GRIA3: variants seen among roughly 807,000 people sequenced by gnomAD.
GRIA3 encodes glutamate ionotropic receptor AMPA type subunit 3, also known as glutamate receptor 3.
GRIA3 carries 3 observed loss-of-function variants against 63.0 expected under a neutral mutation model. The ratio of observed to expected loss-of-function variants is 0.05; its 90% CI spans 0.02 to 0.12. The LOEUF (loss-of-function observed/expected upper bound fraction) is 0.12. Among genes scored for constraint, GRIA3 ranks in the 10% least tolerant of loss-of-function variants. The pLI, the probability that GRIA3 is intolerant of heterozygous loss-of-function variation, is 1.00. For synonymous variants in GRIA3, 274 were observed against 257.9 expected (o/e 1.06, Z -0.60); for missense variants, 347 against 700.9 (o/e 0.50, Z 5.70).
chrX:123,347,623 C>T (rs1261826241), intron 4 of GRIA3, among the ~76,000 whole-genome samples: 1 of 111,477 alleles, frequency 9.0e-6, no homozygotes, highest in Non-Finnish European at 1.9e-5. Flanking sequence ...CCTCCCCACT[C>T]GGAGGCTCCA....
At chrX:123,262,419 G>A (rs890253007) in intron 3 of GRIA3, among the ~76,000 whole-genome samples, 3 of 111,520 alleles carry the variant, frequency 2.7e-5, no homozygotes, top group African/African-American at 9.8e-5. Flanking sequence ...CAATGCACAG[G>A]ACAGTATCCT....
chrX:123,456,772 T>A (rs2045763973), intron 12 of GRIA3, among the ~76,000 whole-genome samples: 1 of 111,667 alleles, frequency 9.0e-6, no homozygotes, highest in African/African-American at 3.3e-5. Flanking sequence ...CACCTATGCA[T>A]ATCCTAGTAT....
chrX:123,192,184 T>C (rs1031334894), intron 2 of GRIA3, among the ~76,000 whole-genome samples: 1 of 111,690 alleles, frequency 9.0e-6, no homozygotes, highest in African/African-American at 3.3e-5. Flanking sequence ...AACTTCTTCA[T>C]ATTGAATCTA....
intron 2 of GRIA3, among the ~76,000 whole-genome samples, chrX:123,251,229 G>A (rs1442343685): frequency 1.8e-5 from 2 of 111,368 alleles, no homozygotes; most frequent in African/African-American, 6.5e-5. Context: ...TGTCAATTTT[G>A]TACAGAACAT....
chrX:123,432,746 C>T (rs185749979), intron 12 of GRIA3, among the ~76,000 whole-genome samples: 12 of 112,251 alleles, frequency 1.1e-4, no homozygotes, highest in African/African-American at 3.9e-4. Context: ...TATAAGAGAA[C>T]AAAGACTTCT....
At chrX:123,436,067 T>G (rs774290632) in intron 12 of GRIA3, among the ~76,000 whole-genome samples, 40 of 111,258 alleles carry the variant, frequency 3.6e-4, no homozygotes, top group African/African-American at 1.3e-3. Flanking sequence ...GATAAATAGC[T>G]AATGTATGCA....
At chrX:123,249,488 G>T (rs1254083475) in intron 2 of GRIA3, among the ~76,000 whole-genome samples, 2 of 111,292 alleles carry the variant, frequency 1.8e-5, no homozygotes, top group Non-Finnish European at 3.8e-5. Context: ...CCATGCCCCA[G>T]CTTCTTTCAG....
At chrX:123,194,712 C>T (rs1403712538) in intron 2 of GRIA3, among the ~76,000 whole-genome samples, 3 of 111,832 alleles carry the variant, frequency 2.7e-5, no homozygotes, top group Admixed American at 9.5e-5. Context: ...GGTCTATGGG[C>T]GATACTAACG....
intron 12 of GRIA3, among the ~76,000 whole-genome samples, chrX:123,460,279 C>T (rs961287139): frequency 3.9e-4 from 44 of 111,835 alleles, no homozygotes; most frequent in Non-Finnish European, 2.8e-4. Flanking sequence ...GAAGCAATGG[C>T]CTGTTTGCAA....
At chrX:123,448,854 G>A (rs137879146) in intron 12 of GRIA3, among the ~76,000 whole-genome samples, 1 of 111,756 alleles carries the variant, frequency 8.9e-6, no homozygotes, top group Non-Finnish European at 1.9e-5. Context: ...ATACAACTAT[G>A]GAATTGGGGA....
rs1927522664 is a variant in GRIA3, at chrX:123,194,475, T to C, written c.268+8485T>C. On this transcript the variant is annotated intron_variant, in intron 2 of 15. Transcript: ENST00000620443. ...TGTGTAGGTGAACACCTTTGCACAA[T>C]TAAGATTAGTAAAGCCATTAATGTC... Among the ~76,000 whole-genome samples the C allele has an allele frequency of 2.7e-5, 3 of 111,196 alleles. No individual in the cohort carries two copies. The South Asian group carries it at 1.1e-3, about 42-fold the overall frequency.
At chrX:123,184,710 G>A (rs1927202851) in intron 1 of GRIA3, 66 bp downstream of exon 1, 1 of 794,716 alleles carries the variant, frequency 1.3e-6, no homozygotes, top group Non-Finnish European at 1.9e-6. Flanking sequence ...CCCCGGCAAG[G>A]CTTTCCCTGC....
chrX:123,486,108 G>A (rs2045940031), intron 15 of GRIA3, among the ~76,000 whole-genome samples: 1 of 101,216 alleles, frequency 9.9e-6, no homozygotes, highest in Non-Finnish European at 2.0e-5. Context: ...GGCAGGGAGG[G>A]GGGAAAAGAA....
At chrX:123,321,255 T>C (rs1439071387) in intron 3 of GRIA3, among the ~76,000 whole-genome samples, 1 of 112,145 alleles carries the variant, frequency 8.9e-6, no homozygotes, top group South Asian at 3.8e-4. Flanking sequence ...GTAAACCTTT[T>C]TGGGGCTTTA....
At chrX:123,484,097 G>T (rs770946236) in intron 15 of GRIA3, among the ~76,000 whole-genome samples, 1 of 111,963 alleles carries the variant, frequency 8.9e-6, no homozygotes, top group East Asian at 2.8e-4. Flanking sequence ...GCACAGGTAA[G>T]TGTCTATCAA....
intron 12 of GRIA3, among the ~76,000 whole-genome samples, chrX:123,455,358 G>T (rs980016957): frequency 3.8e-4 from 42 of 111,937 alleles, no homozygotes; most frequent in African/African-American, 1.3e-3. Context: ...TTTTGGCCAT[G>T]CTTAGAAATG....
intron 4 of GRIA3, among the ~76,000 whole-genome samples, chrX:123,351,306 G>A (rs192972408): frequency 1.1e-4 from 12 of 111,287 alleles, no homozygotes; most frequent in Non-Finnish European, 2.3e-4. Flanking sequence ...ATTCCCATAA[G>A]CCCTGTACCA....
At chrX:123,367,555 A>T (rs1603116204) in intron 5 of GRIA3, among the ~76,000 whole-genome samples, 1 of 108,572 alleles carries the variant, frequency 9.2e-6, no homozygotes, top group Admixed American at 9.9e-5. Flanking sequence ...TGCTGCCTCA[A>T]CCTCCTGAGT....
chrX:123,251,636 G>A (rs1250594996), intron 2 of GRIA3, among the ~76,000 whole-genome samples: 17 of 111,124 alleles, frequency 1.5e-4, no homozygotes, highest in Admixed American at 7.6e-4. Flanking sequence ...GGGTTTCACC[G>A]TGTTAGCCAG....
Sources: allele counts gnomAD v4.1 joint callset (sites outside exome capture counted in the v4.1 genomes callset), GRCh38; gene constraint gnomAD v4.1.1; transcripts MANE v1.5; gene names NCBI Gene and HGNC (gene_info 2026-07-23, HGNC 2026-07-21).